ALK: variants seen among roughly 807,000 people sequenced by gnomAD.
The protein encoded by ALK is ALK tyrosine kinase receptor.
Under a neutral mutation model 163.1 loss-of-function variants are expected in ALK, and 74 were observed. That is an observed-to-expected ratio of 0.45 (90% CI 0.38 to 0.55). The LOEUF (loss-of-function observed/expected upper bound fraction) is 0.55, where lower values mean the gene tolerates loss of function less well. ALK is among the 20% of genes least tolerant of loss of function. The pLI is 0.00. For missense variants in ALK, 2,063 were observed against 2,105.3 expected (o/e 0.98, Z 0.39); for synonymous variants, 960 against 843.2 (o/e 1.14, Z -2.40).
chr2:29,462,231 A>G (rs1355736549), intron 4 of ALK, among the ~76,000 whole-genome samples: 1 of 152,216 alleles, frequency 6.6e-6, no homozygotes, highest in Non-Finnish European at 1.5e-5. Context: ...AATGACAAAA[A>G]GGATTTAAAA....
chr2:29,505,754 C>A (rs1672301669), intron 4 of ALK, among the ~76,000 whole-genome samples: 1 of 149,268 alleles, frequency 6.7e-6, no homozygotes, highest in Admixed American at 6.7e-5. Context: ...TCTAAAAGGC[C>A]AACACCAGCA....
chr2:29,731,915 G>C (rs1270958881), intron 1 of ALK, among the ~76,000 whole-genome samples: 2 of 152,200 alleles, frequency 1.3e-5, no homozygotes, highest in Admixed American at 6.5e-5. Flanking sequence ...AGGTGTTGTA[G>C]GAAGGTGAGG....
At chr2:29,440,282 G>GATA (rs142165341) in intron 4 of ALK, among the ~76,000 whole-genome samples, 6,411 of 150,210 alleles carry the variant, frequency 0.043, 262 homozygotes, top group African/African-American at 0.1. Context: ...TCAGATGATT[G>GATA]ATATGCCCAT....
intron 2 of ALK, among the ~76,000 whole-genome samples, chr2:29,712,308 T>A (rs1385459968): frequency 6.6e-6 from 1 of 152,198 alleles, no homozygotes; most frequent in Admixed American, 6.5e-5. Context: ...TACAGAGGCA[T>A]GAGCTAGGAA....
intron 3 of ALK, among the ~76,000 whole-genome samples, chr2:29,545,255 G>A (rs186314420): frequency 3.3e-5 from 5 of 152,258 alleles, no homozygotes; most frequent in African/African-American, 1.2e-4. Context: ...CCTCACCATG[G>A]CTGAGCAGTA....
chr2:29,618,443 G>A (rs1167849424), intron 3 of ALK, among the ~76,000 whole-genome samples: 1 of 151,382 alleles, frequency 6.6e-6, no homozygotes, highest in East Asian at 1.9e-4. Flanking sequence ...TAAGGTGAGT[G>A]GGCAGGAGTG....
chr2:29,291,240 T>C (rs4666193), intron 9 of ALK, among the ~76,000 whole-genome samples: 136,304 of 151,922 alleles, frequency 0.9, 62,335 homozygotes, highest in Non-Finnish European at 0.99. Flanking sequence ...GGTGCACGCC[T>C]GTAGTTCTAG....
intron 5 of ALK, among the ~76,000 whole-genome samples, chr2:29,329,055 T>A (rs1026441590): frequency 1.2e-4 from 19 of 152,186 alleles, no homozygotes; most frequent in African/African-American, 4.1e-4. Flanking sequence ...CCTGGCTGTA[T>A]GAGGCTGACC....
chr2:29,885,951 T>A (rs1666974827), intron 1 of ALK, among the ~76,000 whole-genome samples: 1 of 152,122 alleles, frequency 6.6e-6, no homozygotes, highest in East Asian at 1.9e-4. Context: ...ACACCATATA[T>A]GCCTGCCTCT....
chr2:29,588,189 A>T (rs892029170), intron 3 of ALK, among the ~76,000 whole-genome samples: 8 of 152,328 alleles, frequency 5.3e-5, no homozygotes, highest in South Asian at 2.1e-4. Context: ...ATTATACATT[A>T]TCCTAGCTAT....
intron 2 of ALK, among the ~76,000 whole-genome samples, chr2:29,715,696 G>A (rs1679229201): frequency 1.3e-5 from 2 of 152,144 alleles, no homozygotes; most frequent in Admixed American, 6.5e-5. Context: ...GACTTTGGGA[G>A]CAAAATCAAA....
intron 1 of ALK, among the ~76,000 whole-genome samples, chr2:29,772,504 C>A (rs1336153112): frequency 2.6e-5 from 4 of 152,214 alleles, no homozygotes; most frequent in South Asian, 2.1e-4. Context: ...GTGGAGAATG[C>A]GAGTGGAGTG....
At chr2:29,795,598 T>G (rs1328778127) in intron 1 of ALK, among the ~76,000 whole-genome samples, 2 of 152,096 alleles carry the variant, frequency 1.3e-5, no homozygotes, top group African/African-American at 4.8e-5. Context: ...CTACTTGAAA[T>G]AAAAAGTGAT....
At chr2:29,217,978 C>G (rs1341482148) in intron 23 of ALK, among the ~76,000 whole-genome samples, 1 of 152,220 alleles carries the variant, frequency 6.6e-6, no homozygotes, top group Non-Finnish European at 1.5e-5. Context: ...CTGGAAATCA[C>G]ATTCCTTTCT....
chr2:29,382,836 G>C (rs1202716877), intron 5 of ALK, among the ~76,000 whole-genome samples: 1 of 152,152 alleles, frequency 6.6e-6, no homozygotes, highest in East Asian at 1.9e-4. Flanking sequence ...ACATAAACCA[G>C]TTTTGATTAA....
intron 14 of ALK, among the ~76,000 whole-genome samples, chr2:29,232,858 C>T (rs1179670367): frequency 6.6e-6 from 1 of 152,114 alleles, no homozygotes; most frequent in African/African-American, 2.4e-5. Flanking sequence ...GGCTCTGACC[C>T]CCAAAGATTC....
intron 4 of ALK, among the ~76,000 whole-genome samples, chr2:29,475,004 G>GCAGAAGAAAC (rs1249593316): frequency 1.3e-5 from 2 of 151,710 alleles, no homozygotes; most frequent in Non-Finnish European, 2.9e-5. Flanking sequence ...TGAAGTTTCT[G>GCAGAAGAAAC]CAGAAGAAAC....
intron 1 of ALK, among the ~76,000 whole-genome samples, chr2:29,873,734 T>C (rs765122547): frequency 4.6e-5 from 7 of 151,916 alleles, no homozygotes; most frequent in Non-Finnish European, 8.8e-5. Context: ...CAGGGGCCCA[T>C]GGAGCTGAAC....
At chr2:29,743,435 A>C (rs1680116771) in intron 1 of ALK, among the ~76,000 whole-genome samples, 1 of 152,208 alleles carries the variant, frequency 6.6e-6, no homozygotes, top group Non-Finnish European at 1.5e-5. Flanking sequence ...ATAAAATTAA[A>C]GACTAAATGA....
Sources: gnomAD v4.1 joint callset for allele counts (sites outside exome capture counted in the v4.1 genomes callset) on GRCh38, gnomAD v4.1.1 for gene constraint, MANE v1.5 for transcripts, NCBI Gene and HGNC (gene_info 2026-07-23, HGNC 2026-07-21) for gene names.